Variants in LRRC4C observed in about 807,000 individuals in gnomAD.
The protein encoded by LRRC4C is leucine-rich repeat-containing protein 4C.
Under a neutral mutation model 33.6 loss-of-function variants are expected in LRRC4C, and 5 were observed. That is an observed-to-expected ratio of 0.15 (90% CI 0.08 to 0.31). The LOEUF is 0.31. Ranked by LOEUF, LRRC4C falls within the 10% of genes least tolerant of loss-of-function variation. The pLI, the probability that LRRC4C is intolerant of heterozygous loss-of-function variation, is 1.00. For synonymous variants in LRRC4C, 329 were observed against 302.0 expected (o/e 1.09, Z -0.93); for missense variants, 560 against 796.7 (o/e 0.70, Z 3.58).
chr11:41,118,189 T>A (rs1267679426), intron 1 of LRRC4C, among the ~76,000 whole-genome samples: 1 of 152,170 alleles, frequency 6.6e-6, no homozygotes, highest in East Asian at 1.9e-4. Context: ...GACCAATATA[T>A]CCAGTAGGCT....
intron 1 of LRRC4C, among the ~76,000 whole-genome samples, chr11:41,195,653 A>G (rs1946148960): frequency 6.6e-6 from 1 of 152,142 alleles, no homozygotes; most frequent in Admixed American, 6.6e-5. Flanking sequence ...ATGAAAGCAG[A>G]CACAGAATAA....
chr11:41,108,819 T>C (rs2135683436), intron 1 of LRRC4C, among the ~76,000 whole-genome samples: 1 of 152,188 alleles, frequency 6.6e-6, no homozygotes, highest in South Asian at 2.1e-4. Flanking sequence ...AATTATTATC[T>C]TGACTGACTT....
At chr11:40,535,339 A>G (rs1956426383) in intron 3 of LRRC4C, among the ~76,000 whole-genome samples, 2 of 152,142 alleles carry the variant, frequency 1.3e-5, no homozygotes, top group Admixed American at 6.6e-5. Context: ...TATATAAAAA[A>G]CTGGAGTGAA....
chr11:40,614,958 T>A (rs1961618365), intron 3 of LRRC4C, among the ~76,000 whole-genome samples: 1 of 151,416 alleles, frequency 6.6e-6, no homozygotes, highest in African/African-American at 2.4e-5. Flanking sequence ...GCATAACAGA[T>A]TTAATAATAA....
chr11:41,145,161 A>G lies in LRRC4C; in HGVS notation c.-495-211438T>C, dbSNP rs532147782. Among the ~76,000 whole-genome samples the G allele has an allele frequency of 8.7e-4, 132 of 152,282 alleles. 2 individuals are homozygous for G. The highest frequency in any genetic ancestry group is 1.9e-3 in the South Asian group (9 of 4,826). ...TTAAAGTTCTATTATAGCTTTTTCT[A>G]TTATAGCTTTTGCTAGATGGTTCTC... On this transcript the variant is annotated intron_variant, in intron 1 of 6. Transcript: ENST00000528697.
intron 3 of LRRC4C, among the ~76,000 whole-genome samples, chr11:40,613,000 TA>T (rs1383467292): frequency 6.6e-6 from 1 of 151,892 alleles, no homozygotes; most frequent in African/African-American, 2.4e-5. Flanking sequence ...CTTTATAGCT[TA>T]AAAATGCTAA....
At chr11:40,165,891 G>A (rs1859554466) in intron 5 of LRRC4C, among the ~76,000 whole-genome samples, 1 of 152,168 alleles carries the variant, frequency 6.6e-6, no homozygotes, top group Non-Finnish European at 1.5e-5. Context: ...GTTGCAGTGA[G>A]CCAAGATGGT....
chr11:41,365,002 G>A (rs1952484581), intron 1 of LRRC4C, among the ~76,000 whole-genome samples: 1 of 152,072 alleles, frequency 6.6e-6, no homozygotes, highest in African/African-American at 2.4e-5. Context: ...CGTGATATTT[G>A]TATTGACTAG....
intron 3 of LRRC4C, among the ~76,000 whole-genome samples, chr11:40,358,252 G>A (rs1035674649): frequency 6.6e-6 from 1 of 152,010 alleles, no homozygotes; most frequent in East Asian, 1.9e-4. Context: ...AAGGCTTGGA[G>A]AGGTGAGGTA....
At chr11:40,710,293 C>A (rs1190170021) in intron 2 of LRRC4C, among the ~76,000 whole-genome samples, 1 of 152,124 alleles carries the variant, frequency 6.6e-6, no homozygotes, top group Middle Eastern at 3.2e-3. Flanking sequence ...GAATTTTCAG[C>A]TTTTCTTCTC....
At chr11:40,395,592 T>C (rs1949506119) in intron 3 of LRRC4C, among the ~76,000 whole-genome samples, 1 of 152,164 alleles carries the variant, frequency 6.6e-6, no homozygotes, top group Admixed American at 6.6e-5. Context: ...CTTGAAGATA[T>C]CACTTAACTT....
chr11:41,110,273 T>C (rs1257765179), intron 1 of LRRC4C, among the ~76,000 whole-genome samples: 1 of 152,038 alleles, frequency 6.6e-6, no homozygotes, highest in Non-Finnish European at 1.5e-5. Context: ...ATGTGGCTAT[T>C]GAGATGATTT....
chr11:41,160,658 T>C (rs1278481803), intron 1 of LRRC4C, among the ~76,000 whole-genome samples: 1 of 152,170 alleles, frequency 6.6e-6, no homozygotes, highest in Non-Finnish European at 1.5e-5. Flanking sequence ...TTGAGTATGG[T>C]GCAGGTGGCT....
At chr11:40,124,218 G>A (rs1042003739) in intron 6 of LRRC4C, among the ~76,000 whole-genome samples, 13 of 152,100 alleles carry the variant, frequency 8.5e-5, no homozygotes, top group African/African-American at 3.1e-4. Flanking sequence ...ATGTAAATTA[G>A]TATAACCACT....
intron 2 of LRRC4C, among the ~76,000 whole-genome samples, chr11:40,745,517 C>T (rs771900311): frequency 1.6e-4 from 25 of 152,090 alleles, no homozygotes; most frequent in African/African-American, 2.7e-4. Context: ...ATTTAAATAA[C>T]GACTGAATTA....
intron 1 of LRRC4C, among the ~76,000 whole-genome samples, chr11:41,165,271 A>G (rs1004996342): frequency 5.9e-5 from 9 of 152,140 alleles, no homozygotes; most frequent in African/African-American, 2.2e-4. Flanking sequence ...TGATCACCCC[A>G]GCAATAAGGG....
At chr11:41,371,482 TG>T (rs1446021453) in intron 1 of LRRC4C, among the ~76,000 whole-genome samples, 2 of 152,140 alleles carry the variant, frequency 1.3e-5, no homozygotes, top group African/African-American at 4.8e-5. Context: ...TGGTTTAATA[TG>T]TGGAAATCCT....
At position 40,665,366 on chromosome 11, in the gene LRRC4C, A is replaced by ATG. The variant is rs1185448715; in HGVS notation, c.-406-17089_-406-17088insCA. 6.2e-3 allele frequency among the ~76,000 whole-genome samples: 192 copies of ATG among 30,978 alleles called. 3 individuals carry two copies. The highest frequency in any genetic ancestry group is 0.014 in the Non-Finnish European group (166 of 11,732). The allele number at this position is 30,978 out of a possible 152,430, so 20.3% of individuals were successfully genotyped here. ...TATATATATATATATATATATATGTATATATATATATATATATATATTATT... is the reference window on the plus strand; with the variant it reads ...TATATATATATATATATATATATGTATGTATATATATATATATATATATTATT... On this transcript the variant is annotated intron_variant, in intron 2 of 6. Coordinates refer to ENST00000528697, the MANE Select transcript of LRRC4C (RefSeq NM_001258419.2).
chr11:40,350,768 G>A (rs746072689), intron 3 of LRRC4C, among the ~76,000 whole-genome samples: 8 of 151,784 alleles, frequency 5.3e-5, no homozygotes, highest in African/African-American at 1.2e-4. Flanking sequence ...CTTCAAGTTC[G>A]TGCATTAATG....
Sources: allele counts gnomAD v4.1 joint callset (sites outside exome capture counted in the v4.1 genomes callset), GRCh38; gene constraint gnomAD v4.1.1; transcripts MANE v1.5; gene names NCBI Gene and HGNC (gene_info 2026-07-23, HGNC 2026-07-21).